Variants in CFAP54 observed in about 807,000 individuals in gnomAD.
CFAP54 encodes the protein cilia and flagella associated protein 54.
CFAP54 carries 290 observed loss-of-function variants against 370.4 expected under a neutral mutation model. The observed-to-expected ratio is 0.78, with a 90% CI of 0.71 to 0.86. The LOEUF (loss-of-function observed/expected upper bound fraction) is 0.86, where lower values mean the gene tolerates loss of function less well. Among genes scored for constraint, CFAP54 ranks in the 40% least tolerant of loss-of-function variants. CFAP54 has a pLI of 0.00. For synonymous variants in CFAP54, 1,206 were observed against 1,236.5 expected, an observed-to-expected ratio of 0.98 and a Z score of 0.52; for missense variants, 3,399 against 3,528.7, an observed-to-expected ratio of 0.96 and a Z score of 0.93.
At chr12:96,592,391 GGATCTTTGTGTA>G (rs1956134356) in intron 23 of CFAP54, 87 bp from the exon 24 acceptor site, 1 of 361,618 alleles carries the variant, frequency 2.8e-6, no homozygotes, top group Admixed American at 4.8e-5. Flanking sequence ...TGCTTTTTTG[GGATCTTTGTGTA>G]GATACTGAGA....
intron 58 of CFAP54, among the ~76,000 whole-genome samples, chr12:96,763,100 G>T (rs998553237): frequency 1.3e-5 from 2 of 152,110 alleles, no homozygotes; most frequent in Admixed American, 1.3e-4. Context: ...CCATCCAGAT[G>T]ATTTAAATCT....
chr12:96,501,851 A>G (rs1227934266), intron 2 of CFAP54, among the ~76,000 whole-genome samples: 1 of 152,226 alleles, frequency 6.6e-6, no homozygotes, highest in Admixed American at 6.5e-5. Context: ...GAGAATAACC[A>G]TAGTTCCACA....
chr12:96,651,875 C>A, intron 36 of CFAP54, 60 bp downstream of exon 36: 1 of 1,048,528 alleles, frequency 9.5e-7, no homozygotes, highest in Non-Finnish European at 1.4e-6. Context: ...TACTGTGCAT[C>A]TTGGTATAAG....
intron 50 of CFAP54, among the ~76,000 whole-genome samples, chr12:96,737,351 A>G (rs1957990670): frequency 2.0e-5 from 3 of 152,068 alleles, no homozygotes; most frequent in Admixed American, 2.0e-4. Flanking sequence ...CAGGTGGCAA[A>G]CACTTGGTAA....
chr12:96,646,230 A>G lies in CFAP54; in HGVS notation c.4548-1645A>G, dbSNP rs573580810. The G allele has an allele frequency of 4.8e-3, 738 of 152,366 alleles. 7 individuals are homozygous for G. Among genetic ancestry groups the G allele is most frequent in the African/African-American group, 0.017 (699 of 41,580 alleles). The allele number at this position is 152,366 out of a possible 1,614,324, so 9.4% of individuals were successfully genotyped here. ...GACAAAGGGCTAATATCCAGAATCT[A>G]CAATGAACTCAAACAAATTTACAAG... On this transcript the variant is annotated intron_variant, in intron 33 of 67. Coordinates refer to ENST00000524981, the MANE Select transcript of CFAP54 (RefSeq NM_001306084.2).
chr12:96,757,533 A>G lies in CFAP54; in HGVS notation c.7985A>G (p.Tyr2662Cys), dbSNP rs777722514. The G allele has an allele frequency of 3.1e-6, 5 of 1,599,298 alleles. No individual in the cohort carries two copies. The highest frequency in any genetic ancestry group is 4.3e-6 in the Non-Finnish European group (5 of 1,169,918). Reference sequence around the variant, plus strand: ...TCCTACCTAGAAATGGCTCTATTGTATTTTCATCTGAAGAAGCCAAAGATA... The same window carrying G: ...TCCTACCTAGAAATGGCTCTATTGTGTTTTCATCTGAAGAAGCCAAAGATA... ...RDSYLEMALL[Y>C]FHLKKPKIKI... Residue 2662 changes from tyrosine (Y) to cysteine (C), a missense_variant, in exon 58 of 68, where the codon TAT (tyrosine) becomes TGT (cysteine). Tyr to Cys is a radical substitution (Grantham distance 194). Around this residue, in one of 3 missense-constraint regions of CFAP54, gnomAD observed 2,796 missense variants for 2,869.7 expected, o/e 0.97. Coordinates refer to ENST00000524981, the MANE Select transcript of CFAP54 (RefSeq NM_001306084.2).
At chr12:96,829,150 G>A (rs1307074797) in intron 66 of CFAP54, 62 bp downstream of exon 66, 3 of 923,148 alleles carry the variant, frequency 3.2e-6, no homozygotes, top group Non-Finnish European at 4.9e-6. Context: ...CTATGAAATG[G>A]AAATATAGAA....
chr12:96,768,828 G>T (rs973502099), intron 60 of CFAP54, among the ~76,000 whole-genome samples: 1 of 152,180 alleles, frequency 6.6e-6, no homozygotes, highest in African/African-American at 2.4e-5. Flanking sequence ...AATTAAGAGC[G>T]TTGTTTTCTG....
rs1592872160 is a variant in CFAP54, at chr12:96,598,561, T to G, written c.3517-84T>G. On this transcript the variant is annotated intron_variant, in intron 25 of 67. Coordinates refer to ENST00000524981, the MANE Select transcript of CFAP54 (RefSeq NM_001306084.2). ...TAACAAAATTTTATGTCTTAAAGCT[T>G]GCATTATTTGAATGGAACATTTTCT... is the stretch of plus-strand genomic sequence containing the variant. 20 of 452,674 alleles carry G rather than the reference T, an allele frequency of 4.4e-5. No individual in the cohort carries two copies. The East Asian group carries it at 6.4e-4, about 14-fold the overall frequency. 28.0% of individuals were successfully genotyped at this position (452,674 alleles called of 1,614,324 possible).
chr12:96,862,626 A>C (rs1259962966), intron 67 of CFAP54, among the ~76,000 whole-genome samples: 1 of 152,206 alleles, frequency 6.6e-6, no homozygotes, highest in Non-Finnish European at 1.5e-5. Flanking sequence ...CTGATAGGAA[A>C]CCATCTTTTA....
intron 39 of CFAP54, among the ~76,000 whole-genome samples, chr12:96,665,613 A>G (rs1350022256): frequency 2.6e-5 from 4 of 152,116 alleles, no homozygotes; most frequent in Non-Finnish European, 5.9e-5. Context: ...AAGTTTGTTG[A>G]AGATTAGATA....
chr12:96,714,626 G>A (rs1400004491), intron 48 of CFAP54, among the ~76,000 whole-genome samples: 1 of 151,854 alleles, frequency 6.6e-6, no homozygotes, highest in Non-Finnish European at 1.5e-5. Context: ...GAGGATGGAG[G>A]TTGGACTTAA....
chr12:96,693,910 C>G, intron 45 of CFAP54, 102 bp downstream of exon 45: 1 of 679,660 alleles, frequency 1.5e-6, no homozygotes. Flanking sequence ...CTGATAATAA[C>G]ATGGCATTAC....
At chr12:96,754,713 C>T (rs1393143319) in intron 56 of CFAP54, among the ~76,000 whole-genome samples, 1 of 152,010 alleles carries the variant, frequency 6.6e-6, no homozygotes. Context: ...CCTTTCCCAT[C>T]CTTGTTGCTA....
chr12:96,594,049 C>CTGG (rs1956151292), intron 24 of CFAP54, among the ~76,000 whole-genome samples: 1 of 151,876 alleles, frequency 6.6e-6, no homozygotes, highest in Non-Finnish European at 1.5e-5. Flanking sequence ...GATAAAAAAA[C>CTGG]TGGTTTCTGT....
At chr12:96,705,696 T>TGGA (rs1213156687) in intron 47 of CFAP54, among the ~76,000 whole-genome samples, 4 of 152,340 alleles carry the variant, frequency 2.6e-5, no homozygotes, top group Non-Finnish European at 4.4e-5. Flanking sequence ...CAGTTTCTAT[T>TGGA]AGCTAGTTAG....
intron 26 of CFAP54, among the ~76,000 whole-genome samples, chr12:96,610,914 C>T (rs554912623): frequency 2.7e-4 from 41 of 152,324 alleles, no homozygotes; most frequent in Middle Eastern, 3.4e-3. Context: ...TGGAGCCCAC[C>T]GCAGCTCAAG....
intron 1 of CFAP54, among the ~76,000 whole-genome samples, chr12:96,492,730 C>T (rs1205867236): frequency 2.0e-5 from 3 of 152,204 alleles, no homozygotes; most frequent in African/African-American, 7.2e-5. Context: ...CAGTGGCTTA[C>T]GCCTGTAATC....
intron 4 of CFAP54, among the ~76,000 whole-genome samples, chr12:96,508,591 A>T (rs1304258890): frequency 5.9e-5 from 7 of 119,560 alleles, no homozygotes; most frequent in Non-Finnish European, 1.1e-4. Flanking sequence ...CGGCCTCTCA[A>T]TTTTTTTTTT....
Sources: allele counts gnomAD v4.1 joint callset (sites outside exome capture counted in the v4.1 genomes callset), GRCh38; gene constraint gnomAD v4.1.1; regional missense constraint gnomAD v4.1.1; transcripts MANE v1.5; gene names NCBI Gene and HGNC (gene_info 2026-07-23, HGNC 2026-07-21).